Variants in AUTS2 observed in about 807,000 individuals in gnomAD.
AUTS2 encodes autism susceptibility gene 2 protein.
A neutral mutation model predicts 112.4 loss-of-function variants in AUTS2; 17 were observed. The observed-to-expected ratio is 0.15, with a 90% CI of 0.10 to 0.23. The LOEUF (loss-of-function observed/expected upper bound fraction) is 0.23, where lower values mean the gene tolerates loss of function less well. Ranked by LOEUF, AUTS2 falls within the 10% of genes least tolerant of loss-of-function variation. The pLI, the probability that AUTS2 is intolerant of heterozygous loss-of-function variation, is 1.00. For missense variants in AUTS2, 1,510 were observed against 1,701.6 expected, an observed-to-expected ratio of 0.89 and a Z score of 1.98; for synonymous variants, 751 against 702.7, an observed-to-expected ratio of 1.07 and a Z score of -1.09.
intron 1 of AUTS2, among the ~76,000 whole-genome samples, chr7:69,840,313 T>G (rs752165223): frequency 2.4e-4 from 36 of 152,206 alleles, no homozygotes; most frequent in Non-Finnish European, 5.0e-4. Flanking sequence ...GAAACAAAAT[T>G]AAGATTCTCG....
chr7:70,108,783 CAAAAAAAAAAAAAAAAA>C (rs528009205), intron 2 of AUTS2, among the ~76,000 whole-genome samples: 5,850 of 69,256 alleles, frequency 0.084, 243 homozygotes, highest in Middle Eastern at 0.15. Flanking sequence ...GCCAACATGG[CAAAAAAAAAAAAAAAAA>C]AAAAAAAAAA....
chr7:70,165,335 T>G (rs1421408977), intron 4 of AUTS2, among the ~76,000 whole-genome samples: 1 of 152,038 alleles, frequency 6.6e-6, no homozygotes, highest in Non-Finnish European at 1.5e-5. Flanking sequence ...AGAATAAATA[T>G]GAAGAAAAGC....
intron 1 of AUTS2, among the ~76,000 whole-genome samples, chr7:69,656,720 G>C (rs1379075287): frequency 2.0e-5 from 3 of 152,170 alleles, no homozygotes; most frequent in Admixed American, 1.3e-4. Flanking sequence ...TTTTCAAGTG[G>C]CAGAACTTGC....
chr7:70,391,126 G>T (rs532199162), intron 4 of AUTS2, among the ~76,000 whole-genome samples: 3 of 152,320 alleles, frequency 2.0e-5, no homozygotes, highest in South Asian at 4.1e-4. Flanking sequence ...ATCTCTGGGG[G>T]TGAGGCCCTG....
At chr7:70,570,465 A>C (rs1201267742) in intron 5 of AUTS2, among the ~76,000 whole-genome samples, 7 of 152,340 alleles carry the variant, frequency 4.6e-5, no homozygotes, top group Admixed American at 4.6e-4. Context: ...GCTGTTTCAG[A>C]ATCGACACAA....
chr7:70,579,298 G>C (rs191091626), intron 5 of AUTS2, among the ~76,000 whole-genome samples: 31 of 132,874 alleles, frequency 2.3e-4, no homozygotes, highest in African/African-American at 8.6e-4. Context: ...AATCAAGTTA[G>C]GCAGCTTTGC....
At chr7:69,687,241 T>C (rs1005437529) in intron 1 of AUTS2, among the ~76,000 whole-genome samples, 2 of 152,214 alleles carry the variant, frequency 1.3e-5, no homozygotes, top group African/African-American at 4.8e-5. Context: ...GTAAGTAATT[T>C]ATATTTAAAA....
chr7:70,769,902 A>G (rs1790228394), intron 10 of AUTS2, among the ~76,000 whole-genome samples: 1 of 152,116 alleles, frequency 6.6e-6, no homozygotes, highest in South Asian at 2.1e-4. Flanking sequence ...AGCTATATTT[A>G]TATTCTAAGA....
intron 5 of AUTS2, among the ~76,000 whole-genome samples, chr7:70,533,070 T>C (rs1800161718): frequency 6.6e-6 from 1 of 152,216 alleles, no homozygotes; most frequent in South Asian, 2.1e-4. Context: ...AGCATTTTAC[T>C]GTCTTCAAAG....
At chr7:70,277,112 A>T (rs1787965103) in intron 4 of AUTS2, among the ~76,000 whole-genome samples, 1 of 152,202 alleles carries the variant, frequency 6.6e-6, no homozygotes, top group African/African-American at 2.4e-5. Context: ...TGTAGGTCAC[A>T]TTGAAGAGTT....
intron 2 of AUTS2, among the ~76,000 whole-genome samples, chr7:70,049,463 G>T (rs915669444): frequency 5.9e-5 from 9 of 151,774 alleles, no homozygotes; most frequent in African/African-American, 2.2e-4. Flanking sequence ...CTAAGTAGCT[G>T]AGATTACAGG....
chr7:70,531,822 C>G (rs953376226), intron 5 of AUTS2, among the ~76,000 whole-genome samples: 7 of 152,132 alleles, frequency 4.6e-5, no homozygotes, highest in African/African-American at 1.7e-4. Context: ...TGTCAGTTAG[C>G]TTTTGTTATA....
intron 4 of AUTS2, among the ~76,000 whole-genome samples, chr7:70,236,785 A>G (rs1812351300): frequency 6.6e-6 from 1 of 152,178 alleles, no homozygotes; most frequent in Non-Finnish European, 1.5e-5. Flanking sequence ...TCCAGTACAC[A>G]TGGTGCTCCT....
At chr7:70,139,859 G>T (rs1253479564) in intron 4 of AUTS2, among the ~76,000 whole-genome samples, 4 of 152,018 alleles carry the variant, frequency 2.6e-5, no homozygotes, top group Non-Finnish European at 4.4e-5. Context: ...AAATTAACTG[G>T]GCGTGGTGGC....
At chr7:69,974,985 A>G (rs1797997394) in intron 2 of AUTS2, among the ~76,000 whole-genome samples, 1 of 151,794 alleles carries the variant, frequency 6.6e-6, no homozygotes, top group Admixed American at 6.6e-5. Flanking sequence ...TTTTTTTTTA[A>G]AAATAGAACT....
chr7:70,189,091 A>G (rs1445122095), intron 4 of AUTS2, among the ~76,000 whole-genome samples: 1 of 152,136 alleles, frequency 6.6e-6, no homozygotes, highest in Non-Finnish European at 1.5e-5. Context: ...GTGTTCCAAA[A>G]ATGATGTCAG....
Position 70,731,420 on chromosome 7 carries a change from C to CTTTTTTTTTTTTT in AUTS2, c.743-31435_743-31423dup, listed in dbSNP as rs56244002. 5.8e-5 allele frequency among the ~76,000 whole-genome samples: 4 copies of CTTTTTTTTTTTTT among 69,480 alleles called. 1 individual carries two copies. The highest frequency in any genetic ancestry group is 1.3e-4 in the African/African-American group (2 of 15,618). The allele number at this position is 69,480 out of a possible 152,430, so 45.6% of individuals were successfully genotyped here. A position where few individuals can be genotyped will look rare whatever the true frequency, so the allele number is the denominator to read the frequency against. On this transcript the variant is annotated intron_variant, in intron 6 of 18. Transcript: ENST00000342771. Reference sequence around the variant, plus strand: ...GCTCATATATCCCCTTTACCCAGATCTTTTTTTTTTTTTTTTTTTTTTTTT... The same window carrying CTTTTTTTTTTTTT: ...GCTCATATATCCCCTTTACCCAGATCTTTTTTTTTTTTTTTTTTTTTTTTTTTTTTTTTTTTTT...
intron 2 of AUTS2, among the ~76,000 whole-genome samples, chr7:69,951,135 A>G (rs759587523): frequency 1.3e-5 from 2 of 152,150 alleles, no homozygotes; most frequent in African/African-American, 2.4e-5. Flanking sequence ...TTTATTGTAG[A>G]TTTCAATATT....
intron 1 of AUTS2, among the ~76,000 whole-genome samples, chr7:69,632,198 CT>C (rs1183331033): frequency 1.3e-5 from 2 of 152,126 alleles, no homozygotes; most frequent in Non-Finnish European, 2.9e-5. Context: ...CTATTTTGAA[CT>C]TTTGCATATA....
Sources: allele counts gnomAD v4.1 joint callset (sites outside exome capture counted in the v4.1 genomes callset), GRCh38; gene constraint gnomAD v4.1.1; transcripts MANE v1.5; gene names NCBI Gene and HGNC (gene_info 2026-07-23, HGNC 2026-07-21).